Variants in ASNS observed in about 807,000 individuals in gnomAD.
The protein encoded by ASNS is asparagine synthetase [glutamine-hydrolyzing].
A neutral mutation model predicts 62.6 loss-of-function variants in ASNS; 37 were observed. The ratio of observed to expected loss-of-function variants is 0.59; its 90% CI spans 0.45 to 0.78. The LOEUF (loss-of-function observed/expected upper bound fraction) is 0.78, where lower values mean the gene tolerates loss of function less well. Among genes scored for constraint, ASNS ranks in the 30% least tolerant of loss-of-function variants. The probability of loss-of-function intolerance (pLI) is 0.00; values close to 1 mark genes in which losing one functional copy is unlikely to be tolerated. For missense variants in ASNS, 520 were observed against 682.4 expected, an observed-to-expected ratio of 0.76 and a Z score of 2.65; for synonymous variants, 207 against 237.9, an observed-to-expected ratio of 0.87 and a Z score of 1.19.
At chr7:97,883,768 ATGACGTTAGGAGATCC>A in the ASNS span, among the ~76,000 whole-genome samples, 4 of 152,092 alleles carry the variant, frequency 2.6e-5, no homozygotes, top group African/African-American at 9.7e-5. Context: ...CGGTCGGATC[ATGACGTTAGGAGATCC>A]AGACCATTCT....
chr7:97,919,858 T>C, the ASNS span, among the ~76,000 whole-genome samples: 1 of 151,930 alleles, frequency 6.6e-6, no homozygotes, highest in East Asian at 1.9e-4. Context: ...GCAAGGAAAA[T>C]ACACAAAGCC....
chr7:97,853,982 A>G (rs975252569), intron 10 of ASNS, among the ~76,000 whole-genome samples: 1 of 152,236 alleles, frequency 6.6e-6, no homozygotes, highest in African/African-American at 2.4e-5. Context: ...GGTGTGATTC[A>G]GCAGAGGCAA....
chr7:97,880,081 C>T, the ASNS span, among the ~76,000 whole-genome samples: 4 of 151,730 alleles, frequency 2.6e-5, no homozygotes, highest in Admixed American at 6.6e-5. Context: ...GCCAGGACAT[C>T]GTGAGCTTTC....
At chr7:97,857,342 T>G (rs1584461980) in intron 7 of ASNS, among the ~76,000 whole-genome samples, 2 of 152,274 alleles carry the variant, frequency 1.3e-5, no homozygotes, top group East Asian at 3.9e-4. Context: ...GAACTAGGTC[T>G]CCCGCTCACT....
At chr7:97,875,702 G>C (rs144594390), upstream of ASNS, among the ~76,000 whole-genome samples, 236 of 152,294 alleles carry the variant, frequency 1.5e-3, no homozygotes, top group African/African-American at 5.5e-3. Flanking sequence ...ACTTCTCTGT[G>C]CTTGGAAGGG....
the ASNS span, among the ~76,000 whole-genome samples, chr7:97,879,541 G>T: frequency 6.6e-6 from 1 of 152,326 alleles, no homozygotes; most frequent in South Asian, 2.1e-4. Flanking sequence ...GCCATGTCAT[G>T]AGTGGCCAGA....
chr7:97,883,461 C>T, the ASNS span, among the ~76,000 whole-genome samples: 1 of 152,072 alleles, frequency 6.6e-6, no homozygotes, highest in African/African-American at 2.4e-5. Flanking sequence ...TGGGTTTTAC[C>T]TCCTAAATCT....
rs1053306586 is a variant in ASNS, at chr7:97,857,670, G to C, written c.903+608C>G. On this transcript the variant is annotated intron_variant, in intron 7 of 12. Coordinates refer to ENST00000394308, the MANE Select transcript of ASNS (RefSeq NM_001673.5). ...AAAACCCGTTTTTTTAATTTTTCAA[G>C]ATGGGGTCTTGCTACGTTGCCCAGC... Among the ~76,000 whole-genome samples, 8 of 142,570 alleles carry C rather than the reference G, an allele frequency of 5.6e-5. No individual in the cohort carries two copies. In the East Asian group the frequency reaches 8.3e-4, roughly 15 times the overall value. 93.5% of individuals were successfully genotyped at this position (142,570 alleles called of 152,430 possible).
At chr7:97,859,489 C>T in intron 4 of ASNS, 91 bp from the exon 5 acceptor site, 1 of 1,380,514 alleles carries the variant, frequency 7.2e-7, no homozygotes, top group Non-Finnish European at 9.7e-7. Flanking sequence ...TTCCTATTTT[C>T]CCTTTTTAAT....
intron 6 of ASNS, 132 bp from the exon 7 acceptor site, chr7:97,858,537 G>A (rs1791567392): frequency 8.6e-7 from 1 of 1,165,758 alleles, no homozygotes; most frequent in Admixed American, 2.7e-5. Flanking sequence ...TTTATAAACT[G>A]AAATCAACTT....
At chr7:97,862,622 T>C (rs1238707598) in intron 4 of ASNS, among the ~76,000 whole-genome samples, 1 of 152,222 alleles carries the variant, frequency 6.6e-6, no homozygotes, top group East Asian at 1.9e-4. Context: ...GAACTTCAGT[T>C]AATATATAAG....
chr7:97,864,797 T>C (rs1562820808), intron 3 of ASNS, among the ~76,000 whole-genome samples: 2 of 152,198 alleles, frequency 1.3e-5, no homozygotes, highest in Non-Finnish European at 2.9e-5. Context: ...ACATACCATA[T>C]ATGTAATACA....
chr7:97,853,396 G>A lies in ASNS; in HGVS notation c.1239-10C>T. On this transcript the variant is annotated splice_polypyrimidine_tract_variant and intron_variant, in intron 10 of 12. Coordinates refer to ENST00000394308, the MANE Select transcript of ASNS (RefSeq NM_001673.5). ...GACTCTCAGTTCAAGACTTAAAGGA[G>A]AAAAGAAGAAAATCTAAATTAAAAT... 6.2e-7 allele frequency: 1 copy of A among 1,606,592 alleles called. No homozygotes were observed. The highest frequency in any genetic ancestry group is 8.5e-7 in the Non-Finnish European group (1 of 1,176,090).
the ASNS span, among the ~76,000 whole-genome samples, chr7:97,883,214 C>CAA: frequency 0.21 from 30,149 of 145,474 alleles, 3,170 homozygotes; most frequent in Middle Eastern, 0.32. Flanking sequence ...TAAATTAGGG[C>CAA]AAAAAAAAAA....
the ASNS span, among the ~76,000 whole-genome samples, chr7:97,896,404 C>T: frequency 1.5e-4 from 22 of 149,472 alleles, no homozygotes; most frequent in South Asian, 3.2e-3. Flanking sequence ...CTGGCTAACA[C>T]GGTGAAACCC....
At chr7:97,868,168 C>A (rs1246597669) in intron 3 of ASNS, among the ~76,000 whole-genome samples, 2 of 152,090 alleles carry the variant, frequency 1.3e-5, no homozygotes, top group African/African-American at 4.8e-5. Context: ...ATTAGCTGGG[C>A]ATGGTGGCAG....
At chr7:97,922,551 A>G in the ASNS span, among the ~76,000 whole-genome samples, 1 of 152,076 alleles carries the variant, frequency 6.6e-6, no homozygotes, top group African/African-American at 2.4e-5. Flanking sequence ...CATAACATAC[A>G]CTTGGAAATC....
chr7:97,889,290 G>A, the ASNS span, among the ~76,000 whole-genome samples: 1 of 152,264 alleles, frequency 6.6e-6, no homozygotes, highest in East Asian at 1.9e-4. Context: ...AGGCCGAGGC[G>A]GGTAGATCAC....
At chr7:97,917,861 G>A in the ASNS span, among the ~76,000 whole-genome samples, 11 of 152,224 alleles carry the variant, frequency 7.2e-5, no homozygotes, top group African/African-American at 1.2e-4. Flanking sequence ...CAAGGCCGGC[G>A]CTGTGAACGT....
Sources: gnomAD v4.1 joint callset for allele counts (sites outside exome capture counted in the v4.1 genomes callset) on GRCh38, gnomAD v4.1.1 for gene constraint, MANE v1.5 for transcripts, NCBI Gene and HGNC (gene_info 2026-07-23, HGNC 2026-07-21) for gene names.